Variants in STRN3 observed in about 807,000 individuals in gnomAD.
STRN3 encodes the protein striatin-3.
STRN3 carries 29 observed loss-of-function variants against 95.6 expected under a neutral mutation model. That is an observed-to-expected ratio of 0.30 (90% confidence interval 0.23 to 0.41). The LOEUF is 0.41. STRN3 is among the 10% of genes least tolerant of loss of function. The pLI is 1.00. For missense variants in STRN3, 890 were observed against 972.1 expected (o/e 0.92, Z 1.12); for synonymous variants, 331 against 357.6 (o/e 0.93, Z 0.84).
At chr14:30,958,928 A>G (rs1175301736) in intron 1 of STRN3, among the ~76,000 whole-genome samples, 1 of 152,238 alleles carries the variant, frequency 6.6e-6, no homozygotes, top group Admixed American at 6.5e-5. Context: ...CACACCAAAA[A>G]GCAAAAATTC....
rs1275794596 is a variant in STRN3 at position 30,894,882 on chromosome 14, ATTTTCT to A, written c.*523_*528del. 4.6e-6 allele frequency: 4 copies of A among 869,640 alleles called. No individual in the cohort carries two copies. Among genetic ancestry groups the A allele is most frequent in the Admixed American group, 4.5e-5 (1 of 22,352 alleles). 53.9% of individuals were successfully genotyped at this position (869,640 alleles called of 1,614,324 possible). ...CTAATGCTAAAATATTTTAAGTTAA[ATTTTCT>A]TTTTCTTTTTTTTTTTTTTTAAAGC... On this transcript the variant is annotated 3_prime_UTR_variant, in exon 18 of 18. Transcript: ENST00000357479.
intron 5 of STRN3, among the ~76,000 whole-genome samples, chr14:30,937,157 A>G (rs1878863968): frequency 6.6e-6 from 1 of 152,048 alleles, no homozygotes; most frequent in Admixed American, 6.6e-5. Flanking sequence ...CATCTTCAAA[A>G]AAAAAAATTA....
intron 1 of STRN3, chr14:31,018,711 A>G (rs1038013824): frequency 2.2e-4 from 100 of 456,060 alleles, no homozygotes; most frequent in Non-Finnish European, 2.7e-4. Flanking sequence ...AAACTTGCAA[A>G]AAAAGCGTAA....
intron 1 of STRN3, among the ~76,000 whole-genome samples, chr14:30,960,421 G>A (rs1050413982): frequency 6.6e-6 from 1 of 152,106 alleles, no homozygotes; most frequent in Non-Finnish European, 1.5e-5. Context: ...CTCAGGGATA[G>A]GAAAATGAAC....
At chr14:30,997,149 A>T (rs1359085664) in intron 1 of STRN3, among the ~76,000 whole-genome samples, 1 of 152,196 alleles carries the variant, frequency 6.6e-6, no homozygotes, top group East Asian at 1.9e-4. Flanking sequence ...GGCTCAAAAG[A>T]AAGTTAAATT....
intron 7 of STRN3, among the ~76,000 whole-genome samples, chr14:30,929,599 GT>G (rs1419720874): frequency 6.6e-6 from 1 of 151,966 alleles, no homozygotes; most frequent in African/African-American, 2.4e-5. Context: ...GAAATCTAAT[GT>G]TATAAAAATA....
At chr14:30,959,341 A>G (rs996081199) in intron 1 of STRN3, among the ~76,000 whole-genome samples, 3 of 152,160 alleles carry the variant, frequency 2.0e-5, no homozygotes, top group Non-Finnish European at 2.9e-5. Context: ...AAAACAAAAC[A>G]AAACAAACAC....
In STRN3 at chr14:30,926,387, C is replaced by T. The variant is rs549090689; in HGVS notation, c.1099+2814G>A. On this transcript the variant is annotated intron_variant, in intron 8 of 17. Transcript: ENST00000357479. ...TAAGAAATAATGAGTTAAATTACAA[C>T]AATAATATTCTAGTTAAAATATTAA... Among the ~76,000 whole-genome samples, 22 of 151,886 alleles carry T rather than the reference C, an allele frequency of 1.4e-4. No homozygotes were observed. In the South Asian group the frequency reaches 3.7e-3, roughly 26 times the overall value.
intron 1 of STRN3, among the ~76,000 whole-genome samples, chr14:31,014,216 A>ATTG (rs543225330): frequency 2.0e-5 from 3 of 151,056 alleles, no homozygotes; most frequent in South Asian, 4.2e-4. Flanking sequence ...AAGTGCAAAA[A>ATTG]TTGTTGTTGT....
intron 12 of STRN3, 24 bp from the exon 13 acceptor site, chr14:30,911,186 CA>C: frequency 6.3e-7 from 1 of 1,593,514 alleles, no homozygotes. Flanking sequence ...AGAGGAAAAA[CA>C]AATTACTGAT....
intron 1 of STRN3, among the ~76,000 whole-genome samples, chr14:30,965,857 A>G (rs1880470968): frequency 1.3e-5 from 2 of 151,924 alleles, no homozygotes; most frequent in African/African-American, 4.8e-5. Context: ...AATGTTAGAT[A>G]TGAGTTCTAA....
chr14:30,989,498 T>A (rs1366029060), intron 1 of STRN3, among the ~76,000 whole-genome samples: 1 of 152,196 alleles, frequency 6.6e-6, no homozygotes, highest in Admixed American at 6.5e-5. Flanking sequence ...TCTGGCTCTG[T>A]CGCCCAGGCT....
At chr14:31,016,716 T>A (rs1222119074) in intron 1 of STRN3, among the ~76,000 whole-genome samples, 1 of 152,096 alleles carries the variant, frequency 6.6e-6, no homozygotes, top group Non-Finnish European at 1.5e-5. Flanking sequence ...GGCTAACTTT[T>A]ATATTTTTAG....
intron 5 of STRN3, among the ~76,000 whole-genome samples, chr14:30,940,105 TCTC>T (rs2139088709): frequency 6.6e-6 from 1 of 152,218 alleles, no homozygotes; most frequent in South Asian, 2.1e-4. Flanking sequence ...GAACTGTACA[TCTC>T]CTTTCAAAAT....
chr14:30,977,332 A>T (rs764514273), intron 1 of STRN3, among the ~76,000 whole-genome samples: 14 of 152,184 alleles, frequency 9.2e-5, no homozygotes, highest in Non-Finnish European at 1.9e-4. Context: ...AATAATAAAA[A>T]ATAGAACACA....
At chr14:30,921,105 C>CACACACA (rs1410378146) in intron 8 of STRN3, among the ~76,000 whole-genome samples, 1 of 151,436 alleles carries the variant, frequency 6.6e-6, no homozygotes, top group East Asian at 1.9e-4. Flanking sequence ...CACACACACA[C>CACACACA]ACTTCCTTAT....
intron 8 of STRN3, among the ~76,000 whole-genome samples, chr14:30,922,746 A>G (rs900335959): frequency 2.2e-4 from 33 of 152,188 alleles, no homozygotes; most frequent in Non-Finnish European, 4.6e-4. Context: ...AAGCTTTCAC[A>G]GCTTTATTTA....
chr14:30,952,113 G>A (rs1411132167), intron 3 of STRN3, among the ~76,000 whole-genome samples: 2 of 108,458 alleles, frequency 1.8e-5, no homozygotes, highest in Non-Finnish European at 2.1e-5. Context: ...GCGAGACCCT[G>A]TCTTAAACAA....
chr14:30,915,739 C>T (rs1896721097), intron 9 of STRN3, among the ~76,000 whole-genome samples: 1 of 152,088 alleles, frequency 6.6e-6, no homozygotes, highest in Non-Finnish European at 1.5e-5. Context: ...GCCACAGTTC[C>T]TCCCACTCAC....
Sources: gnomAD v4.1 joint callset for allele counts (sites outside exome capture counted in the v4.1 genomes callset) on GRCh38, gnomAD v4.1.1 for gene constraint, MANE v1.5 for transcripts, NCBI Gene and HGNC (gene_info 2026-07-23, HGNC 2026-07-21) for gene names.